The following PLCL2 variants were observed in gnomAD, a reference collection of about 807,000 sequenced individuals.
PLCL2 encodes the protein phospholipase C like 2.
In PLCL2, 4 loss-of-function variants were observed where a neutral mutation model predicts 79.6. The observed-to-expected ratio is 0.05, with a 90% confidence interval of 0.02 to 0.11. The LOEUF (loss-of-function observed/expected upper bound fraction) is 0.11, where lower values mean the gene tolerates loss of function less well. Ranked by LOEUF, PLCL2 falls within the 10% of genes least tolerant of loss-of-function variation. The probability of loss-of-function intolerance (pLI) is 1.00; values close to 1 mark genes in which losing one functional copy is unlikely to be tolerated. For synonymous variants in PLCL2, 484 were observed against 457.7 expected (o/e 1.06, Z -0.73); for missense variants, 895 against 1,291.0 (o/e 0.69, Z 4.70).
At chr3:17,086,876 A>G (rs190433241) in intron 5 of PLCL2, among the ~76,000 whole-genome samples, 4 of 152,372 alleles carry the variant, frequency 2.6e-5, no homozygotes, top group Non-Finnish European at 5.9e-5. Flanking sequence ...TCACCTCGCC[A>G]AAGAAGATAT....
intron 5 of PLCL2, among the ~76,000 whole-genome samples, chr3:17,070,286 G>C (rs1338111668): frequency 6.6e-6 from 1 of 152,158 alleles, no homozygotes; most frequent in Non-Finnish European, 1.5e-5. Context: ...ACTGGGCTGA[G>C]AGCCACCAAA....
intron 1 of PLCL2, among the ~76,000 whole-genome samples, chr3:16,965,451 G>C (rs2063797654): frequency 6.6e-6 from 1 of 152,010 alleles, no homozygotes; most frequent in Non-Finnish European, 1.5e-5. Flanking sequence ...AAGTCAGGTA[G>C]CGTGATGCCT....
chr3:16,964,097 T>C (rs1185210641), intron 1 of PLCL2, among the ~76,000 whole-genome samples: 1 of 152,154 alleles, frequency 6.6e-6, no homozygotes, highest in Admixed American at 6.5e-5. Context: ...TATGTATGCA[T>C]GTGCCATGTT....
chr3:17,012,916 T>C lies in PLCL2; in HGVS notation c.2814+756T>C, dbSNP rs2064342275. ...TGGTGTGTGTGTGATAAGTGCTCCA[T>C]GTCTGTTTATTTTGTATTTTAAAAA... On this transcript the variant is annotated intron_variant, in intron 2 of 5. Transcript: ENST00000615277. Among the ~76,000 whole-genome samples the C allele has an allele frequency of 2.0e-5, 3 of 152,342 alleles. No individual in the cohort carries two copies. In the South Asian group the frequency reaches 6.2e-4, roughly 32 times the overall value.
At chr3:16,985,799 T>C (rs1385658536) in intron 1 of PLCL2, among the ~76,000 whole-genome samples, 2 of 152,132 alleles carry the variant, frequency 1.3e-5, no homozygotes, top group African/African-American at 4.8e-5. Flanking sequence ...GAATTAAGCA[T>C]GGGATAGTGC....
At chr3:17,085,569 C>T (rs2065210229) in intron 5 of PLCL2, among the ~76,000 whole-genome samples, 1 of 152,162 alleles carries the variant, frequency 6.6e-6, no homozygotes, top group Non-Finnish European at 1.5e-5. Flanking sequence ...TCTGCCTCAG[C>T]CTCCCAAGTA....
intron 1 of PLCL2, among the ~76,000 whole-genome samples, chr3:16,939,261 A>C (rs1697618278): frequency 6.6e-6 from 1 of 152,214 alleles, no homozygotes; most frequent in African/African-American, 2.4e-5. Flanking sequence ...CTAGAGTTTA[A>C]TAGGTCTATT....
At chr3:16,987,033 T>A (rs1325323573) in intron 1 of PLCL2, among the ~76,000 whole-genome samples, 2 of 151,536 alleles carry the variant, frequency 1.3e-5, no homozygotes, top group African/African-American at 4.8e-5. Flanking sequence ...GGGGTCTGGG[T>A]GCCAGACCCC....
chr3:16,964,002 C>T, intron 1 of PLCL2, among the ~76,000 whole-genome samples: 1 of 151,882 alleles, frequency 6.6e-6, no homozygotes, highest in East Asian at 1.9e-4. Flanking sequence ...ATTAAAGTTA[C>T]CCAGGATTAG....
chr3:17,044,045 A>G, intron 4 of PLCL2: 1 of 152,332 alleles, frequency 6.6e-6, no homozygotes, highest in East Asian at 1.9e-4. Context: ...AAATATATTG[A>G]ATACTTACCG....
chr3:16,933,739 A>G (rs1404239530), intron 1 of PLCL2, among the ~76,000 whole-genome samples: 1 of 150,970 alleles, frequency 6.6e-6, no homozygotes, highest in Non-Finnish European at 1.5e-5. Context: ...TAAAGTACAC[A>G]TCCATTGTAT....
intron 5 of PLCL2, among the ~76,000 whole-genome samples, chr3:17,082,168 A>ATTTTTTTTTTTTTTTTTTTTTTTTTTTTT: frequency 8.4e-6 from 1 of 119,434 alleles, no homozygotes; most frequent in Admixed American, 9.2e-5. Context: ...TTTGAGACAG[A>ATTTTTTTTTTTTTTTTTTTTTTTTTTTTT]GTTTTGTTCT....
intron 1 of PLCL2, among the ~76,000 whole-genome samples, chr3:16,997,339 G>A (rs557962242): frequency 6.6e-6 from 1 of 152,262 alleles, no homozygotes; most frequent in South Asian, 2.1e-4. Flanking sequence ...TTACAGGGTA[G>A]ACACTATAAA....
intron 3 of PLCL2, among the ~76,000 whole-genome samples, chr3:17,031,219 T>G (rs904297165): frequency 1.3e-5 from 2 of 152,138 alleles, no homozygotes; most frequent in Non-Finnish European, 2.9e-5. Flanking sequence ...GGATGTAGCG[T>G]CTGAACTCAC....
intron 1 of PLCL2, among the ~76,000 whole-genome samples, chr3:16,921,914 A>C (rs1181849841): frequency 2.0e-5 from 3 of 152,162 alleles, no homozygotes; most frequent in Admixed American, 1.3e-4. Context: ...AAGCTATGGG[A>C]AAAAGAAAAT....
chr3:16,937,151 A>G (rs768658073), intron 1 of PLCL2, among the ~76,000 whole-genome samples: 8 of 152,220 alleles, frequency 5.3e-5, no homozygotes, highest in Non-Finnish European at 1.0e-4. Context: ...AACCACTGGT[A>G]TAGCCAATGC....
Position 17,009,738 on chromosome 3 carries a change from A to G in PLCL2, c.392A>G (p.Lys131Arg). 6.2e-7 allele frequency: 1 copy of G among 1,612,292 alleles called. No homozygotes were observed. Among genetic ancestry groups the G allele is most frequent in the Non-Finnish European group, 8.5e-7 (1 of 1,178,362 alleles). ...TCATTCAGCAGCATGCCAACAGAGAAGAAGATCAGCAGTGCAAGTGATTGT... is the reference window on the plus strand; with the variant it reads ...TCATTCAGCAGCATGCCAACAGAGAGGAAGATCAGCAGTGCAAGTGATTGT... ...TVSFSSMPTE[K>R]KISSASDCIN... The change falls in exon 2 of 6, where the codon AAG becomes AGG. Residue 131 changes from lysine (K) to arginine (R), a missense_variant. Lys to Arg is a conservative substitution (Grantham distance 26). Transcript: ENST00000615277. This position sits in a 1 kb window ranked among gnomAD's most constrained non-coding sequence, Gnocchi z 4.0.
chr3:16,945,261 C>T (rs201237406), intron 1 of PLCL2, among the ~76,000 whole-genome samples: 1 of 143,244 alleles, frequency 7.0e-6, no homozygotes, highest in South Asian at 2.3e-4. Flanking sequence ...CACACACACA[C>T]ATACACACAC....
chr3:17,043,213 G>T (rs2064744759), intron 4 of PLCL2, among the ~76,000 whole-genome samples: 1 of 152,150 alleles, frequency 6.6e-6, no homozygotes, highest in Non-Finnish European at 1.5e-5. Flanking sequence ...TGTTTCTAAT[G>T]TACAGCCAAA....
Sources: gnomAD v4.1 joint callset for allele counts (sites outside exome capture counted in the v4.1 genomes callset) on GRCh38, gnomAD v4.1.1 for gene constraint, Gnocchi (gnomAD v3.1) non-coding constraint, MANE v1.5 for transcripts, NCBI Gene and HGNC (gene_info 2026-07-23, HGNC 2026-07-21) for gene names.